Variants in RAD51AP1 observed in about 807,000 individuals in gnomAD.
RAD51AP1 encodes the protein RAD51-associated protein 1.
RAD51AP1 carries 14 observed loss-of-function variants against 34.3 expected under a neutral mutation model. That is an observed-to-expected ratio of 0.41 (90% CI 0.27 to 0.64). RAD51AP1 has a LOEUF of 0.64. Ranked by LOEUF, RAD51AP1 falls within the 30% of genes least tolerant of loss-of-function variation. RAD51AP1 has a pLI of 0.33. For synonymous variants in RAD51AP1, 114 were observed against 129.8 expected, an observed-to-expected ratio of 0.88 and a Z score of 0.83; for missense variants, 348 against 386.9, an observed-to-expected ratio of 0.90 and a Z score of 0.84.
rs190207376 is a variant in RAD51AP1, at chr12:4,548,018, T to G, written c.320-74T>G. The G allele has an allele frequency of 2.1e-6, 3 of 1,411,732 alleles. No homozygotes were observed. The East Asian group carries it at 7.3e-5, about 34-fold the overall frequency. The allele number at this position is 1,411,732 out of a possible 1,614,324, so 87.5% of individuals were successfully genotyped here. A position where few individuals can be genotyped will look rare whatever the true frequency, so the allele number is the denominator to read the frequency against. The stretch of plus-strand genomic sequence containing the variant: ...ATTTATATCTAAATGCTATTACATT[T>G]TAGTACTAATTTTCCTATATCTAGA... On this transcript the variant is annotated intron_variant, in intron 4 of 8. Transcript: ENST00000352618.
chr12:4,542,047 G>A (rs191965238), intron 2 of RAD51AP1, 114 bp downstream of exon 2: 75 of 507,248 alleles, frequency 1.5e-4, no homozygotes, highest in African/African-American at 1.4e-3. Context: ...TATGAGGTAG[G>A]TCTGGAAAGA....
intron 1 of RAD51AP1, among the ~76,000 whole-genome samples, chr12:4,540,069 C>T (rs74061951): frequency 0.028 from 4,328 of 152,030 alleles, 181 homozygotes; most frequent in African/African-American, 0.099. Context: ...GGATGTATTT[C>T]GGAGGCACTG....
intron 1 of RAD51AP1, among the ~76,000 whole-genome samples, chr12:4,541,565 T>A (rs2137241573): frequency 6.6e-6 from 1 of 152,244 alleles, no homozygotes; most frequent in East Asian, 1.9e-4. Context: ...TTACCTGAAT[T>A]TTTTTCCTTT....
chr12:4,556,122 T>C (rs1371314598), intron 7 of RAD51AP1, among the ~76,000 whole-genome samples: 2 of 152,156 alleles, frequency 1.3e-5, no homozygotes, highest in Non-Finnish European at 2.9e-5. Context: ...GTAATATCTG[T>C]ATTGGAGTTG....
At chr12:4,550,768 T>C (rs1004532590) in intron 6 of RAD51AP1, among the ~76,000 whole-genome samples, 10 of 152,236 alleles carry the variant, frequency 6.6e-5, no homozygotes, top group African/African-American at 2.4e-4. Flanking sequence ...GCCTCCCAAG[T>C]AGCTGGGACT....
In RAD51AP1 at chr12:4,558,988, A is replaced by C; in HGVS notation, c.1003A>C (p.Thr335Pro). The C allele has an allele frequency of 4.3e-6, 7 of 1,614,024 alleles. No individual in the cohort carries two copies. In the South Asian group the frequency reaches 6.6e-5, roughly 15 times the overall value. The change falls in exon 9 of 9, where the codon ACC becomes CCC. Residue 335 changes from threonine to proline, a missense_variant. Coordinates refer to ENST00000352618, the MANE Select transcript of RAD51AP1 (RefSeq NM_006479.5). ...VKPLHPNATS[T>P] is the part of the protein sequence containing the mutation. The stretch of plus-strand genomic sequence containing the variant: ...ACCTTTGCATCCAAATGCCACTAGC[A>C]CCTGAGTGTGGTACAGGAGGAATGT...
At chr12:4,546,240 C>A in intron 3 of RAD51AP1, 69 bp from the exon 4 acceptor site, 1 of 1,188,930 alleles carries the variant, frequency 8.4e-7, no homozygotes, top group Non-Finnish European at 1.2e-6. Flanking sequence ...TTGGAGAAAT[C>A]TCAAACTTTG....
chr12:4,548,144 T>C lies in RAD51AP1; in HGVS notation c.372T>C (p.His124=). 1 of 1,603,314 alleles carries C rather than the reference T, an allele frequency of 6.2e-7. No individual in the cohort carries two copies. The highest frequency in any genetic ancestry group is 1.1e-5 in the South Asian group (1 of 87,156). ...SKIETMNKSP[H]ISNCSVASDY... ...TAGAAACAATGAATAAGTCTCCTCA[T>C]ATCTCTAATTGCAGTGTAGCCAGTG... The change falls in exon 5 of 9, where the codon CAT becomes CAC. Residue 124 remains histidine (H), a synonymous_variant. Coordinates refer to ENST00000352618, the MANE Select transcript of RAD51AP1 (RefSeq NM_006479.5).
chr12:4,558,714 TC>T, intron 8 of RAD51AP1, 142 bp from the exon 9 acceptor site: 1 of 971,784 alleles, frequency 1.0e-6, no homozygotes, highest in Non-Finnish European at 1.5e-6. Flanking sequence ...AACATTCTGT[TC>T]TTTTGATCTA....
At chr12:4,542,679 G>A (rs17701198) in intron 2 of RAD51AP1, among the ~76,000 whole-genome samples, 4,773 of 151,988 alleles carry the variant, frequency 0.031, 108 homozygotes, top group Non-Finnish European at 0.051. Flanking sequence ...ACATGGGGAA[G>A]CATATAAGAG....
chr12:4,553,632 A>G (rs1021639609), intron 7 of RAD51AP1, among the ~76,000 whole-genome samples: 1 of 137,418 alleles, frequency 7.3e-6, no homozygotes, highest in African/African-American at 2.8e-5. Context: ...CCACATGTTT[A>G]GGGCCCTTTT....
chr12:4,545,325 A>T, intron 3 of RAD51AP1: 1 of 378,606 alleles, frequency 2.6e-6, no homozygotes, highest in Admixed American at 3.2e-5. Context: ...CACATATTAC[A>T]TGATTTCATT....
intron 2 of RAD51AP1, among the ~76,000 whole-genome samples, chr12:4,543,040 A>G (rs1368343007): frequency 2.6e-5 from 4 of 152,070 alleles, no homozygotes; most frequent in African/African-American, 9.7e-5. Context: ...TGGTTAATGT[A>G]CTAGGAATAG....
intron 5 of RAD51AP1, 86 bp from the exon 6 acceptor site, chr12:4,548,601 A>T: frequency 6.9e-7 from 1 of 1,439,680 alleles, no homozygotes; most frequent in Non-Finnish European, 9.5e-7. Context: ...AATAAAAACA[A>T]TAGCTGTAAT....
chr12:4,556,573 A>C (rs1325537841), intron 8 of RAD51AP1, 71 bp downstream of exon 8: 13 of 1,542,634 alleles, frequency 8.4e-6, no homozygotes, highest in Admixed American at 7.3e-5. Context: ...CCTAGTTACA[A>C]ACATCATGTG....
chr12:4,554,929 G>A (rs914231487), intron 7 of RAD51AP1, among the ~76,000 whole-genome samples: 8 of 152,078 alleles, frequency 5.3e-5, no homozygotes, highest in Non-Finnish European at 1.0e-4. Flanking sequence ...CCTCAGTTTT[G>A]CAAGCCACAT....
chr12:4,545,723 C>A, intron 3 of RAD51AP1: 1 of 1,588,358 alleles, frequency 6.3e-7, no homozygotes, highest in Non-Finnish European at 8.6e-7. Context: ...TTATAGTCTG[C>A]CTTTTATAGG....
At position 4,548,132 on chromosome 12, in the gene RAD51AP1, T is replaced by C. The variant is rs369474008; in HGVS notation, c.360T>C (p.Asn120=). 1.1e-4 allele frequency: 177 copies of C among 1,602,374 alleles called. No individual in the cohort carries two copies. The Middle Eastern group carries it at 3.3e-3, about 30-fold the overall frequency. The change falls in exon 5 of 9, where the codon AAT becomes AAC. Residue 120 remains asparagine (N), a synonymous_variant. Coordinates refer to ENST00000352618, the MANE Select transcript of RAD51AP1 (RefSeq NM_006479.5). ...KHGSSKIETM[N]KSPHISNCSV... ...GCAGTAGTAAAATAGAAACAATGAA[T>C]AAGTCTCCTCATATCTCTAATTGCA...
intron 1 of RAD51AP1, among the ~76,000 whole-genome samples, chr12:4,541,592 G>A (rs1944466923): frequency 6.6e-6 from 1 of 152,004 alleles, no homozygotes. Context: ...TAATTGAAAA[G>A]CCAACAATAC....
Sources: gnomAD v4.1 joint callset for allele counts (sites outside exome capture counted in the v4.1 genomes callset) on GRCh38, gnomAD v4.1.1 for gene constraint, MANE v1.5 for transcripts, NCBI Gene and HGNC (gene_info 2026-07-23, HGNC 2026-07-21) for gene names.